Variants in ATF2 observed in about 807,000 individuals in gnomAD.
The protein encoded by ATF2 is activating transcription factor 2, also known as cyclic AMP-dependent transcription factor ATF-2.
Under a neutral mutation model 60.6 loss-of-function variants are expected in ATF2, and 24 were observed. That is an observed-to-expected ratio of 0.40 (90% CI 0.29 to 0.56). The LOEUF (loss-of-function observed/expected upper bound fraction) is 0.56. Among genes scored for constraint, ATF2 ranks in the 20% least tolerant of loss-of-function variants. The pLI, the probability that ATF2 is intolerant of heterozygous loss-of-function variation, is 0.54. For missense variants in ATF2, 433 were observed against 607.7 expected (o/e 0.71, Z 3.02); for synonymous variants, 206 against 215.4 (o/e 0.96, Z 0.38).
rs1696199411 is a variant in ATF2, at chr2:175,111,661, A to G, written c.742-7T>C. On this transcript the variant is annotated splice_polypyrimidine_tract_variant and splice_region_variant and intron_variant, in intron 9 of 13. Coordinates refer to ENST00000264110, the MANE Select transcript of ATF2 (RefSeq NM_001880.4). The stretch of plus-strand genomic sequence containing the variant: ...TGGTGACTGGTCGAACGAGCTATGC[A>G]TGACATAAGGAAAAATAATTGCTAG... The G allele has an allele frequency of 1.9e-6, 3 of 1,610,240 alleles. No individual in the cohort carries two copies. The highest frequency in any genetic ancestry group is 2.5e-6 in the Non-Finnish European group (3 of 1,177,364).
At position 175,074,597 on chromosome 2, in the gene ATF2, G is replaced by A. The variant is rs1275860032; in HGVS notation, c.*12C>T. On this transcript the variant is annotated 3_prime_UTR_variant, in exon 14 of 14. Transcript: ENST00000264110. ...AATGAGTATCTAAAACTGTTGTACT[G>A]CAGGTTTTTAATCAACTTCCTGAGG... 1 of 1,605,688 alleles carries A rather than the reference G, an allele frequency of 6.2e-7. No individual in the cohort carries two copies. Among genetic ancestry groups the A allele is most frequent in the Non-Finnish European group, 8.5e-7 (1 of 1,175,540 alleles).
chr2:175,139,676 A>G (rs985353976), intron 2 of ATF2, among the ~76,000 whole-genome samples: 1 of 151,860 alleles, frequency 6.6e-6, no homozygotes, highest in Non-Finnish European at 1.5e-5. Context: ...AAAAAAAAAA[A>G]AAAGAAAAGA....
intron 11 of ATF2, among the ~76,000 whole-genome samples, chr2:175,094,302 G>A (rs751292984): frequency 4.0e-5 from 6 of 148,332 alleles, no homozygotes; most frequent in Admixed American, 6.9e-5. Flanking sequence ...GCTGAGGCAC[G>A]AGAATCACTT....
intron 12 of ATF2, chr2:175,092,621 A>C (rs1165788742): frequency 2.2e-6 from 1 of 445,988 alleles, no homozygotes; most frequent in African/African-American, 2.1e-5. Context: ...TATTCACTTT[A>C]AATAAAACAA....
intron 12 of ATF2, among the ~76,000 whole-genome samples, chr2:175,092,809 C>T (rs13024854): frequency 0.012 from 1,780 of 152,040 alleles, 22 homozygotes; most frequent in Admixed American, 0.02. Context: ...AAGTTCAAAC[C>T]GGATAGTTTA....
At position 175,080,706 on chromosome 2, in the gene ATF2, A is replaced by G. The variant is rs762761900; in HGVS notation, c.1245T>C (p.His415=). 1.2e-5 allele frequency: 20 copies of G among 1,613,192 alleles called. No individual in the cohort carries two copies. The highest frequency in any genetic ancestry group is 1.6e-5 in the Non-Finnish European group (19 of 1,179,446). ...GCATGGCGGTTACAGGGCAATCTTTATGAGCCAGAAGAAGCTGTTTCAGCT... is the reference window on the plus strand; with the variant it reads ...GCATGGCGGTTACAGGGCAATCTTTGTGAGCCAGAAGAAGCTGTTTCAGCT... ...VAQLKQLLLA[H]KDCPVTAMQK... The change falls in exon 13 of 14, where the codon CAT becomes CAC. Residue 415 remains histidine, a synonymous_variant. Coordinates refer to ENST00000264110, the MANE Select transcript of ATF2 (RefSeq NM_001880.4).
chr2:175,085,637 C>A (rs964918212), intron 12 of ATF2, among the ~76,000 whole-genome samples: 2 of 150,942 alleles, frequency 1.3e-5, no homozygotes, highest in African/African-American at 4.9e-5. Flanking sequence ...AACTGATGAA[C>A]AGGACATCAA....
At chr2:175,075,931 T>C (rs1251295251) in intron 13 of ATF2, among the ~76,000 whole-genome samples, 2 of 152,230 alleles carry the variant, frequency 1.3e-5, no homozygotes, top group African/African-American at 4.8e-5. Context: ...TCACTTGGCA[T>C]TAAAACTTTT....
intron 10 of ATF2, among the ~76,000 whole-genome samples, chr2:175,107,800 C>T (rs1253837216): frequency 2.6e-5 from 4 of 152,214 alleles, no homozygotes; most frequent in Non-Finnish European, 5.9e-5. Flanking sequence ...AGCTCCTAAC[C>T]GCGAGTGATC....
chr2:175,135,282 T>G (rs967133943), intron 3 of ATF2, among the ~76,000 whole-genome samples: 14 of 152,098 alleles, frequency 9.2e-5, no homozygotes, highest in African/African-American at 3.1e-4. Context: ...AGATTAGTCT[T>G]AAATTAACAC....
chr2:175,166,107 T>C (rs1700333733), intron 1 of ATF2, among the ~76,000 whole-genome samples: 1 of 152,162 alleles, frequency 6.6e-6, no homozygotes, highest in Non-Finnish European at 1.5e-5. Flanking sequence ...AAAAGGATTT[T>C]CAGGAAATGC....
intron 2 of ATF2, among the ~76,000 whole-genome samples, chr2:175,146,900 TA>T (rs141014857): frequency 0.041 from 6,218 of 152,272 alleles, 145 homozygotes; most frequent in Admixed American, 0.094. Flanking sequence ...GAGTACTGTA[TA>T]ACCATTATAT....
intron 1 of ATF2, among the ~76,000 whole-genome samples, chr2:175,151,994 C>T (rs1333961877): frequency 1.3e-5 from 2 of 152,092 alleles, no homozygotes; most frequent in African/African-American, 4.8e-5. Context: ...CATTTCATGG[C>T]TTAGAACTTA....
At chr2:175,113,915 C>T (rs1696374022) in intron 9 of ATF2, 79 bp downstream of exon 9, 9 of 1,193,882 alleles carry the variant, frequency 7.5e-6, no homozygotes, top group South Asian at 1.3e-5. Flanking sequence ...ATTTCATAAG[C>T]CAGTCAAGCA....
chr2:175,111,244 T>C (rs1180274360), intron 10 of ATF2, among the ~76,000 whole-genome samples: 1 of 152,216 alleles, frequency 6.6e-6, no homozygotes, highest in Non-Finnish European at 1.5e-5. Flanking sequence ...TTAGCAGCAC[T>C]GCCTTCAGAT....
intron 11 of ATF2, among the ~76,000 whole-genome samples, chr2:175,093,557 A>G (rs953819416): frequency 2.6e-5 from 4 of 152,216 alleles, no homozygotes; most frequent in South Asian, 2.1e-4. Flanking sequence ...TTTAAAATAC[A>G]ATACAAATGA....
intron 13 of ATF2, 74 bp from the exon 14 acceptor site, chr2:175,074,909 C>T: frequency 6.3e-7 from 1 of 1,578,234 alleles, no homozygotes. Flanking sequence ...AGGCAATACA[C>T]AGAGTAAAAA....
intron 9 of ATF2, among the ~76,000 whole-genome samples, chr2:175,113,515 G>C (rs888525158): frequency 1.3e-5 from 2 of 151,850 alleles, no homozygotes; most frequent in African/African-American, 4.8e-5. Flanking sequence ...ACTTTTTTGC[G>C]GGGTCTTTTC....
At chr2:175,120,471 T>A (rs1153674) in intron 5 of ATF2, among the ~76,000 whole-genome samples, 39,513 of 151,456 alleles carry the variant, frequency 0.26, 6,139 homozygotes, top group African/African-American at 0.44. Context: ...TTCAATACTG[T>A]AAGTAGAGGG....
Sources: gnomAD v4.1 joint callset for allele counts (sites outside exome capture counted in the v4.1 genomes callset) on GRCh38, gnomAD v4.1.1 for gene constraint, MANE v1.5 for transcripts, NCBI Gene and HGNC (gene_info 2026-07-23, HGNC 2026-07-21) for gene names.